TTLL12: variants seen among roughly 807,000 people sequenced by gnomAD.
The protein encoded by TTLL12 is tubulin--tyrosine ligase-like protein 12.
A neutral mutation model predicts 79.6 loss-of-function variants in TTLL12; 77 were observed. The ratio of observed to expected loss-of-function variants is 0.97; its 90% CI spans 0.81 to 1.17. The LOEUF (loss-of-function observed/expected upper bound fraction) is 1.17, where lower values mean the gene tolerates loss of function less well. Among genes scored for constraint, TTLL12 ranks in the 50% most tolerant of loss-of-function variants. The pLI is 0.00. For missense variants in TTLL12, 969 were observed against 895.9 expected (o/e 1.08, Z -1.04); for synonymous variants, 437 against 376.1 (o/e 1.16, Z -1.87).
chr22:43,186,763 G>T, intron 1 of TTLL12, 130 bp downstream of exon 1: 3 of 934,930 alleles, frequency 3.2e-6, no homozygotes, highest in Non-Finnish European at 4.1e-6. Flanking sequence ...CTCCAGAGCT[G>T]CCCAGGACGC....
At chr22:43,175,037 C>T (rs1931868531) in intron 6 of TTLL12, among the ~76,000 whole-genome samples, 1 of 152,228 alleles carries the variant, frequency 6.6e-6, no homozygotes, top group Non-Finnish European at 1.5e-5. Context: ...GACCTTAGGC[C>T]CTGGCCAGGT....
chr22:43,180,305 G>A (rs896661263), intron 3 of TTLL12, among the ~76,000 whole-genome samples: 10 of 152,270 alleles, frequency 6.6e-5, no homozygotes, highest in Admixed American at 6.5e-4. Flanking sequence ...GGGGGTCGGG[G>A]GAGTCGTCTT....
intron 1 of TTLL12, 113 bp downstream of exon 1, chr22:43,186,780 G>A (rs2146628774): frequency 1.9e-6 from 2 of 1,070,674 alleles, no homozygotes; most frequent in Non-Finnish European, 2.4e-6. Flanking sequence ...ACGCGCTCTG[G>A]GTGGCTCACC....
At position 43,170,632 on chromosome 22, in the gene TTLL12, C is replaced by T. The variant is rs543720646; in HGVS notation, c.1576-1064G>A. Among the ~76,000 whole-genome samples the T allele has an allele frequency of 3.3e-5, 5 of 152,240 alleles. No individual in the cohort carries two copies. The Middle Eastern group carries it at 0.01, about 313-fold the overall frequency. On this transcript the variant is annotated intron_variant, in intron 11 of 13. Transcript: ENST00000216129. ...TTACATAAAAACCTAAGTAGGAGGC[C>T]GGGCATGGTGGCTCACGCCTGTAAT...
chr22:43,170,208 C>G (rs1931729147), intron 11 of TTLL12: 1 of 340,030 alleles, frequency 2.9e-6, no homozygotes, highest in Non-Finnish European at 5.8e-6. Flanking sequence ...GGGATGACCC[C>G]CACAGTACAG....
In TTLL12 at chr22:43,176,415, G is replaced by T; in HGVS notation, c.841-19C>A. The T allele has an allele frequency of 6.3e-7, 1 of 1,593,648 alleles. No homozygotes were observed. The highest frequency in any genetic ancestry group is 8.5e-7 in the Non-Finnish European group (1 of 1,170,470). ...GAATGGCCTAAAAGGAAACACACCG[G>T]AAGTAGAGATGAGGTCAAGGAAGGG... On this transcript the variant is annotated intron_variant, in intron 5 of 13. Transcript: ENST00000216129.
At chr22:43,185,261 A>C (rs752073071) in intron 1 of TTLL12, among the ~76,000 whole-genome samples, 4,016 of 17,216 alleles carry the variant, frequency 0.23, 248 homozygotes, top group Non-Finnish European at 0.35. Context: ...ATATATATAT[A>C]TATATATATA....
At chr22:43,173,856 G>A (rs762680116) in intron 8 of TTLL12, 30 bp from the exon 9 acceptor site, 9 of 1,578,986 alleles carry the variant, frequency 5.7e-6, no homozygotes, top group African/African-American at 2.7e-5. Flanking sequence ...TCTGGGGGGC[G>A]CCTGGGGCCT....
rs532388436 is a variant in TTLL12 at position 43,173,696 on chromosome 22, C to A, written c.1341+19G>T. ...AGCCAGGGCCCTGAGCCCTGGGGCT[C>A]CTGGTCTGCGGGGCCCACCTTGGGG... On this transcript the variant is annotated intron_variant, in intron 9 of 13. Coordinates refer to ENST00000216129, the MANE Select transcript of TTLL12 (RefSeq NM_015140.4). The A allele has an allele frequency of 3.1e-6, 5 of 1,597,402 alleles. No homozygotes were observed. In the East Asian group the frequency reaches 8.9e-5, roughly 28 times the overall value.
chr22:43,168,802 G>A lies in TTLL12; in HGVS notation c.1755C>T (p.Leu585=). 1 of 1,572,428 alleles carries A rather than the reference G, an allele frequency of 6.4e-7. No homozygotes were observed. Among genetic ancestry groups the A allele is most frequent in the Non-Finnish European group, 8.6e-7 (1 of 1,159,566 alleles). ...PSSRAMYAVD[L]MLKWDNGPDG... ...CTGGGCCGTTGTCCCACTTCAGCAT[G>A]AGGTCGACGGCATACATGGCCCGGG... Residue 585 remains leucine, a synonymous_variant, in exon 13 of 14, where the codon CTC becomes CTT. Coordinates refer to ENST00000216129, the MANE Select transcript of TTLL12 (RefSeq NM_015140.4).
In TTLL12 at chr22:43,174,194, G is replaced by A. The variant is rs574347516; in HGVS notation, c.1229+15C>T. 29 of 1,598,382 alleles carry A rather than the reference G, an allele frequency of 1.8e-5. No individual in the cohort carries two copies. Among genetic ancestry groups the A allele is most frequent in the South Asian group, 9.9e-5 (9 of 90,898 alleles). ...AAGGGCCATGGAGCACACCGATGCC[G>A]TGTCTGGGACTTACCACCTTTCCCG... On this transcript the variant is annotated intron_variant, in intron 8 of 13. Transcript: ENST00000216129.
rs200508242 is a variant in TTLL12 at position 43,169,579 on chromosome 22, C to T, written c.1576-11G>A. The T allele has an allele frequency of 6.2e-7, 1 of 1,613,184 alleles. No homozygotes were observed. The highest frequency in any genetic ancestry group is 8.5e-7 in the Non-Finnish European group (1 of 1,179,644). ...CTCTTCACAGTGCACCTGCAACAGA[C>T]ACAGGGCCCATCACGCTCTGTACAG... On this transcript the variant is annotated splice_polypyrimidine_tract_variant and intron_variant, in intron 11 of 13. Transcript: ENST00000216129.
intron 1 of TTLL12, among the ~76,000 whole-genome samples, chr22:43,186,665 G>A (rs1254661068): frequency 2.0e-5 from 3 of 152,178 alleles, no homozygotes; most frequent in African/African-American, 7.2e-5. Context: ...TCCCAACGCA[G>A]CCCTCAGCCG....
intron 5 of TTLL12, among the ~76,000 whole-genome samples, chr22:43,178,601 A>G (rs549900649): frequency 1.3e-5 from 2 of 152,116 alleles, no homozygotes; most frequent in African/African-American, 2.4e-5. Context: ...GATTACAGGC[A>G]TGAGCCCCCA....
At chr22:43,173,853 G>T in intron 8 of TTLL12, 27 bp from the exon 9 acceptor site, 1 of 1,586,482 alleles carries the variant, frequency 6.3e-7, no homozygotes, top group Non-Finnish European at 8.5e-7. Context: ...CTGTCTGGGG[G>T]GCGCCTGGGG....
intron 10 of TTLL12, 56 bp from the exon 11 acceptor site, chr22:43,171,956 G>T: frequency 6.7e-7 from 1 of 1,488,938 alleles, no homozygotes; most frequent in South Asian, 1.2e-5. Flanking sequence ...GTCCCTGCGA[G>T]GGAGGTGCCA....
chr22:43,168,918 G>T lies in TTLL12; in HGVS notation c.1645-6C>A. ...AAGGCCCGGAAGATCTCAGCCTGGGGACCGGGGAGCCTGAGTTACGAGGCC... is the reference window on the plus strand; with the variant it reads ...AAGGCCCGGAAGATCTCAGCCTGGGTACCGGGGAGCCTGAGTTACGAGGCC... On this transcript the variant is annotated splice_polypyrimidine_tract_variant and splice_region_variant and intron_variant, in intron 12 of 13. Transcript: ENST00000216129. The T allele has an allele frequency of 4.4e-6, 7 of 1,607,608 alleles. No homozygotes were observed. The highest frequency in any genetic ancestry group is 1.1e-5 in the South Asian group (1 of 90,416).
chr22:43,169,475 C>T (rs370926466), intron 12 of TTLL12, 25 bp downstream of exon 12: 5 of 1,558,372 alleles, frequency 3.2e-6, no homozygotes, highest in East Asian at 2.3e-5. Flanking sequence ...CACCGGCCTG[C>T]GATGGTGTGC....
At chr22:43,171,772 G>A (rs1411403620) in intron 11 of TTLL12, 47 bp downstream of exon 11, 8 of 1,562,800 alleles carry the variant, frequency 5.1e-6, no homozygotes, top group East Asian at 4.5e-5. Flanking sequence ...GGTCGGGTGT[G>A]CCCTGGCCTC....
Sources: allele counts gnomAD v4.1 joint callset (sites outside exome capture counted in the v4.1 genomes callset), GRCh38; gene constraint gnomAD v4.1.1; transcripts MANE v1.5; gene names NCBI Gene and HGNC (gene_info 2026-07-23, HGNC 2026-07-21).